The following EVC2 variants were observed in gnomAD, a reference collection of about 807,000 sequenced individuals.
EVC2 encodes EvC ciliary complex subunit 2.
EVC2 carries 148 observed loss-of-function variants against 149.3 expected under a neutral mutation model. That is an observed-to-expected ratio of 0.99 (90% CI 0.87 to 1.14). The LOEUF is 1.14. Ranked by LOEUF, EVC2 falls within the 50% of genes most tolerant of loss-of-function variation. The pLI, the probability that EVC2 is intolerant of heterozygous loss-of-function variation, is 0.00. For missense variants in EVC2, 1,854 were observed against 1,627.3 expected, an observed-to-expected ratio of 1.14 and a Z score of -2.40; for synonymous variants, 776 against 649.9, an observed-to-expected ratio of 1.19 and a Z score of -2.95.
the EVC2 span, among the ~76,000 whole-genome samples, chr4:5,533,050 T>A: frequency 1.3e-5 from 2 of 150,298 alleles, no homozygotes; most frequent in Admixed American, 1.3e-4. Context: ...CTAGAACGTA[T>A]CACGGACAAA....
intron 9 of EVC2, among the ~76,000 whole-genome samples, chr4:5,655,687 G>T (rs1023918283): frequency 1.4e-5 from 2 of 147,492 alleles, no homozygotes; most frequent in Non-Finnish European, 3.0e-5. Flanking sequence ...GGCAGAGCAC[G>T]CACACACAGC....
rs575499469 is a variant in EVC2, at chr4:5,602,335, T to G, written c.2829+13087A>C. On this transcript the variant is annotated intron_variant, in intron 16 of 21. Coordinates refer to ENST00000344408, the MANE Select transcript of EVC2 (RefSeq NM_147127.5). ...AAAAAGTAAAAAGAAGTGGATTAAA[T>G]TGATGATAAATACATAGAAAAGTAA... 2.0e-4 allele frequency among the ~76,000 whole-genome samples: 28 copies of G among 139,666 alleles called. No individual in the cohort carries two copies. The East Asian group carries it at 5.7e-3, about 28-fold the overall frequency. 91.6% of individuals were successfully genotyped at this position (139,666 alleles called of 152,430 possible).
downstream of EVC2, among the ~76,000 whole-genome samples, chr4:5,562,187 T>G (rs1721991679): frequency 6.6e-6 from 1 of 152,206 alleles, no homozygotes; most frequent in Non-Finnish European, 1.5e-5. This position sits in a 1 kb window ranked among gnomAD's most constrained non-coding sequence, Gnocchi z 4.3. Context: ...GATTTTGCCA[T>G]TTATGAGCTT....
rs772521111 is a variant in EVC2, at chr4:5,618,739, G to A, written c.2502-57C>T. On this transcript the variant is annotated intron_variant, in intron 14 of 21. Coordinates refer to ENST00000344408, the MANE Select transcript of EVC2 (RefSeq NM_147127.5). This position sits in a 1 kb window ranked among gnomAD's most constrained non-coding sequence, Gnocchi z 4.4. ...ACAGAGAAAGCCTGGGGGCTGGGCT[G>A]GGGTGAAGAAGCCAGAGATGCAAAG... The A allele has an allele frequency of 6.6e-7, 1 of 1,513,522 alleles. No individual in the cohort carries two copies. The allele number at this position is 1,513,522 out of a possible 1,614,324, so 93.8% of individuals were successfully genotyped here.
At chr4:5,639,005 G>A (rs1192190453) in intron 10 of EVC2, among the ~76,000 whole-genome samples, 2 of 152,186 alleles carry the variant, frequency 1.3e-5, no homozygotes, top group East Asian at 1.9e-4. Flanking sequence ...TAGGACAGGA[G>A]AACCTAAAAT....
At chr4:5,692,013 G>A (rs1361295277) in intron 3 of EVC2, among the ~76,000 whole-genome samples, 1 of 152,104 alleles carries the variant, frequency 6.6e-6, no homozygotes, top group Non-Finnish European at 1.5e-5. Context: ...CTTTAAATGG[G>A]ACTGGACCCT....
chr4:5,536,655 G>T, the EVC2 span, among the ~76,000 whole-genome samples: 6,342 of 152,028 alleles, frequency 0.042, 437 homozygotes, highest in African/African-American at 0.14. Flanking sequence ...ATGGTGGCGG[G>T]CACCTGTAGT....
At chr4:5,568,397 T>C in intron 20 of EVC2, 47 bp downstream of exon 20, 1 of 1,531,226 alleles carries the variant, frequency 6.5e-7, no homozygotes, top group African/African-American at 1.4e-5. Context: ...TGGGGACCCT[T>C]GTGGACAGGG....
the EVC2 span, among the ~76,000 whole-genome samples, chr4:5,536,900 T>C: frequency 2.0e-4 from 31 of 152,068 alleles, no homozygotes; most frequent in South Asian, 4.1e-4. Context: ...AGACAATTCA[T>C]AGAAAAAGAC....
intron 8 of EVC2, 97 bp downstream of exon 8, chr4:5,665,418 A>T (rs2108899716): frequency 1.3e-6 from 2 of 1,572,084 alleles, no homozygotes; most frequent in East Asian, 4.5e-5. Flanking sequence ...TCCCTCAGCA[A>T]TGCTGATGGG....
At chr4:5,639,347 A>G (rs1717140455) in intron 10 of EVC2, among the ~76,000 whole-genome samples, 1 of 152,242 alleles carries the variant, frequency 6.6e-6, no homozygotes, top group Non-Finnish European at 1.5e-5. Flanking sequence ...AACAGAAATC[A>G]GGTTTGATTT....
chr4:5,643,729 T>C (rs770415287), intron 9 of EVC2, among the ~76,000 whole-genome samples: 3 of 152,134 alleles, frequency 2.0e-5, no homozygotes, highest in Admixed American at 2.0e-4. Context: ...GAGACCAGCC[T>C]GGCCAACATG....
intron 9 of EVC2, among the ~76,000 whole-genome samples, chr4:5,652,013 C>T (rs1718177876): frequency 6.6e-6 from 1 of 152,198 alleles, no homozygotes; most frequent in Non-Finnish European, 1.5e-5. Flanking sequence ...CCTTGCAGGC[C>T]ATGGTGGGGA....
At chr4:5,615,214 G>A (rs535588764) in intron 16 of EVC2, among the ~76,000 whole-genome samples, 2 of 152,276 alleles carry the variant, frequency 1.3e-5, no homozygotes, top group Admixed American at 6.5e-5. Flanking sequence ...AGAAGTGGAG[G>A]GAGAGGGTTC....
intron 3 of EVC2, among the ~76,000 whole-genome samples, chr4:5,694,068 A>T (rs536331692): frequency 1.3e-5 from 2 of 152,338 alleles, no homozygotes; most frequent in East Asian, 3.9e-4. Context: ...GTTAAAGCAC[A>T]ATCCAATCCC....
rs538851664 is a variant in EVC2, at chr4:5,636,304, A to G, written c.1470+4210T>C. On this transcript the variant is annotated intron_variant, in intron 10 of 21. Transcript: ENST00000344408. This position sits in a 1 kb window ranked among gnomAD's most constrained non-coding sequence, Gnocchi z 4.6. ...TATAAGGCATTATATACGCATTTAAATATTATAGTATGAACAAATTTCAGC... is the reference window on the plus strand; with the variant it reads ...TATAAGGCATTATATACGCATTTAAGTATTATAGTATGAACAAATTTCAGC... Among the ~76,000 whole-genome samples the G allele has an allele frequency of 6.6e-6, 1 of 152,298 alleles. No homozygotes were observed. The highest frequency in any genetic ancestry group is 2.1e-4 in the South Asian group (1 of 4,828).
Position 5,633,255 on chromosome 4 carries a change from C to A in EVC2, c.1471-1223G>T, listed in dbSNP as rs1716680896. On this transcript the variant is annotated intron_variant, in intron 10 of 21. Coordinates refer to ENST00000344408, the MANE Select transcript of EVC2 (RefSeq NM_147127.5). This position sits in a 1 kb window ranked among gnomAD's most constrained non-coding sequence, Gnocchi z 4.4. ...CAGCTTGAATGAGCTTGGACCAGGA[C>A]CCCAAGCTCCAGAGGAGAATGCAGC... Among the ~76,000 whole-genome samples, 1 of 152,114 alleles carries A rather than the reference C, an allele frequency of 6.6e-6. No homozygotes were observed. The highest frequency in any genetic ancestry group is 2.4e-5 in the African/African-American group (1 of 41,424).
chr4:5,599,542 A>C (rs1279329750), intron 16 of EVC2, among the ~76,000 whole-genome samples: 1 of 151,980 alleles, frequency 6.6e-6, no homozygotes, highest in Admixed American at 6.5e-5. Flanking sequence ...GGACACAGGA[A>C]GGGGAACATC....
At position 5,700,148 on chromosome 4, in the gene EVC2, T is replaced by A. The variant is rs1044641669; in HGVS notation, c.229-2501A>T. Among the ~76,000 whole-genome samples, 11 of 151,878 alleles carry A rather than the reference T, an allele frequency of 7.2e-5. No individual in the cohort carries two copies. The South Asian group carries it at 1.7e-3, about 23-fold the overall frequency. The stretch of plus-strand genomic sequence containing the variant: ...GAGCGAGACTCCGTCTCAAAAAAAA[T>A]AAAAATAAAAATAAAGAAATAATAA... On this transcript the variant is annotated intron_variant, in intron 1 of 21. Transcript: ENST00000344408.
Sources: gnomAD v4.1 joint callset for allele counts (sites outside exome capture counted in the v4.1 genomes callset) on GRCh38, gnomAD v4.1.1 for gene constraint, Gnocchi (gnomAD v3.1) non-coding constraint, MANE v1.5 for transcripts, NCBI Gene and HGNC (gene_info 2026-07-23, HGNC 2026-07-21) for gene names.